The following CADPS2 variants were observed in gnomAD, a reference collection of about 807,000 sequenced individuals.
CADPS2 encodes the protein calcium dependent secretion activator 2.
In CADPS2, 93 loss-of-function variants were observed where a neutral mutation model predicts 172.5. That is an observed-to-expected ratio of 0.54 (90% confidence interval 0.46 to 0.64). The LOEUF is 0.64. CADPS2 is among the 30% of genes least tolerant of loss of function. The pLI is 0.00. For synonymous variants in CADPS2, 546 were observed against 555.2 expected, an observed-to-expected ratio of 0.98 and a Z score of 0.23; for missense variants, 1,420 against 1,565.9, an observed-to-expected ratio of 0.91 and a Z score of 1.57.
chr7:122,794,740 C>A, intron 1 of CADPS2, among the ~76,000 whole-genome samples: 1 of 147,444 alleles, frequency 6.8e-6, no homozygotes, highest in Non-Finnish European at 1.5e-5. Context: ...AGCAAAAGAA[C>A]TGAAATCATT....
At chr7:122,459,033 C>A (rs1323715000) in intron 14 of CADPS2, among the ~76,000 whole-genome samples, 2 of 151,546 alleles carry the variant, frequency 1.3e-5, no homozygotes, top group Non-Finnish European at 2.9e-5. Context: ...AAATAAAGAC[C>A]AAAATGAAAA....
intron 12 of CADPS2, among the ~76,000 whole-genome samples, chr7:122,475,460 G>C (rs2056521096): frequency 6.6e-6 from 1 of 152,136 alleles, no homozygotes; most frequent in Non-Finnish European, 1.5e-5. Flanking sequence ...GAAAAGCAGA[G>C]TCCTAAATGT....
intron 12 of CADPS2, among the ~76,000 whole-genome samples, chr7:122,476,227 C>G (rs1184365555): frequency 8.6e-5 from 13 of 151,908 alleles, no homozygotes; most frequent in Non-Finnish European, 1.8e-4. Flanking sequence ...AAAACATCTG[C>G]TAAATTTTAT....
Position 122,639,860 on chromosome 7 carries a change from C to T in CADPS2, c.787-10532G>A, listed in dbSNP as rs543372621. ...CTCTTCTCAATCTAAATATTCACTGCCTGGATGCTCTCCTCAAAGCCTATG... is the reference window on the plus strand; with the variant it reads ...CTCTTCTCAATCTAAATATTCACTGTCTGGATGCTCTCCTCAAAGCCTATG... On this transcript the variant is annotated intron_variant, in intron 3 of 29. Coordinates refer to ENST00000449022, the MANE Select transcript of CADPS2 (RefSeq NM_017954.11). Among the ~76,000 whole-genome samples the T allele has an allele frequency of 3.9e-5, 6 of 152,208 alleles. No homozygotes were observed. The South Asian group carries it at 6.2e-4, about 16-fold the overall frequency.
intron 1 of CADPS2, among the ~76,000 whole-genome samples, chr7:122,860,995 G>C (rs369471685): frequency 6.6e-6 from 1 of 152,106 alleles, no homozygotes; most frequent in African/African-American, 2.4e-5. Context: ...GCTTTATCCA[G>C]TCATCCAATG....
At chr7:122,830,741 G>T (rs1806293751) in intron 1 of CADPS2, among the ~76,000 whole-genome samples, 1 of 152,150 alleles carries the variant, frequency 6.6e-6, no homozygotes, top group Non-Finnish European at 1.5e-5. Context: ...TTAAAAGAAG[G>T]TTTAAGATAG....
chr7:122,448,114 A>C (rs1439517069), intron 15 of CADPS2, among the ~76,000 whole-genome samples: 2 of 152,014 alleles, frequency 1.3e-5, no homozygotes, highest in Non-Finnish European at 2.9e-5. Context: ...GGATCTTTTA[A>C]AGTTTTGTTC....
intron 1 of CADPS2, among the ~76,000 whole-genome samples, chr7:122,879,485 A>C (rs549079550): frequency 2.8e-4 from 42 of 152,202 alleles, no homozygotes; most frequent in Middle Eastern, 6.8e-3. Context: ...CAGTGAGCCA[A>C]GATCACACCA....
chr7:122,658,677 T>C (rs141013633), intron 3 of CADPS2, among the ~76,000 whole-genome samples: 5,429 of 152,132 alleles, frequency 0.036, 309 homozygotes, highest in African/African-American at 0.12. Flanking sequence ...TAGGTGGGAA[T>C]TGAACAATGA....
At chr7:122,772,815 A>G (rs941830937) in intron 1 of CADPS2, among the ~76,000 whole-genome samples, 2 of 152,162 alleles carry the variant, frequency 1.3e-5, no homozygotes, top group Non-Finnish European at 2.9e-5. Flanking sequence ...GACTATGCCT[A>G]GATAAGATAC....
intron 28 of CADPS2, among the ~76,000 whole-genome samples, chr7:122,342,241 C>T (rs1348302430): frequency 1.1e-4 from 16 of 152,086 alleles, no homozygotes; most frequent in African/African-American, 2.2e-4. Context: ...AGATTTTATA[C>T]GGTAAATGGC....
intron 2 of CADPS2, among the ~76,000 whole-genome samples, chr7:122,683,033 C>T (rs745418466): frequency 2.0e-4 from 30 of 152,186 alleles, no homozygotes; most frequent in Non-Finnish European, 4.1e-4. Flanking sequence ...GCTCCCAGCC[C>T]CTGTCCTCTT....
intron 1 of CADPS2, among the ~76,000 whole-genome samples, chr7:122,824,624 C>A (rs1342859710): frequency 6.6e-5 from 10 of 152,090 alleles, no homozygotes; most frequent in African/African-American, 1.2e-4. Context: ...CAAATAAATA[C>A]TTTTAGTCCT....
In CADPS2 at chr7:122,424,280, G is replaced by A; in HGVS notation, c.2477-8116C>T. ...GAATTAACCATGCTAATAATATAGT[G>A]CTTTGGAATAATTGTTCTGTCATCA... On this transcript the variant is annotated intron_variant, in intron 17 of 29. Transcript: ENST00000449022. 3 of 938,346 alleles carry A rather than the reference G, an allele frequency of 3.2e-6. No individual in the cohort carries two copies. The African/African-American group carries it at 5.3e-5, about 17-fold the overall frequency. The allele number at this position is 938,346 out of a possible 1,614,324, so 58.1% of individuals were successfully genotyped here. A position where few individuals can be genotyped will look rare whatever the true frequency, so the allele number is the denominator to read the frequency against.
intron 24 of CADPS2, among the ~76,000 whole-genome samples, chr7:122,383,954 T>A (rs1414939045): frequency 6.6e-6 from 1 of 152,114 alleles, no homozygotes; most frequent in Non-Finnish European, 1.5e-5. Flanking sequence ...CATCCTCAAC[T>A]AATGGGACCA....
intron 2 of CADPS2, among the ~76,000 whole-genome samples, chr7:122,718,071 T>C (rs1395715506): frequency 7.1e-6 from 1 of 140,290 alleles, no homozygotes; most frequent in Non-Finnish European, 1.5e-5. Context: ...CTCAAAGCGA[T>C]CCTCATGCCT....
chr7:122,322,179 CTAATG>C, intron 29 of CADPS2, among the ~76,000 whole-genome samples: 1 of 152,270 alleles, frequency 6.6e-6, no homozygotes, highest in East Asian at 1.9e-4. Context: ...GATGATGCAT[CTAATG>C]TAAAGTATTA....
Position 122,376,628 on chromosome 7 carries a change from T to A in CADPS2, c.3387+2740A>T, listed in dbSNP as rs188693331. ...AGCAGTCTCAGTTATGCATGATGAA[T>A]AAGTCCTGGAGAGCTACTGTACAGC... On this transcript the variant is annotated intron_variant, in intron 25 of 29. Transcript: ENST00000449022. Among the ~76,000 whole-genome samples the A allele has an allele frequency of 5.4e-3, 816 of 152,232 alleles. 4 individuals carry two copies. The highest frequency in any genetic ancestry group is 8.1e-3 in the Non-Finnish European group (551 of 67,988).
intron 1 of CADPS2, among the ~76,000 whole-genome samples, chr7:122,845,261 G>A (rs1584874197): frequency 6.6e-6 from 1 of 152,138 alleles, no homozygotes; most frequent in Non-Finnish European, 1.5e-5. Context: ...GCTAAGATGT[G>A]ACCCCTGAAG....
Sources: gnomAD v4.1 joint callset for allele counts (sites outside exome capture counted in the v4.1 genomes callset) on GRCh38, gnomAD v4.1.1 for gene constraint, MANE v1.5 for transcripts, NCBI Gene and HGNC (gene_info 2026-07-23, HGNC 2026-07-21) for gene names.